SLC38A1: variants seen among roughly 807,000 people sequenced by gnomAD.
The protein encoded by SLC38A1 is solute carrier family 38 member 1, also known as sodium-coupled neutral amino acid symporter 1.
SLC38A1 carries 18 observed loss-of-function variants against 60.3 expected under a neutral mutation model. The observed-to-expected ratio is 0.30, with a 90% CI of 0.21 to 0.44. SLC38A1 has a LOEUF of 0.44. SLC38A1 is among the 20% of genes least tolerant of loss of function. SLC38A1 has a pLI of 1.00. For synonymous variants in SLC38A1, 196 were observed against 212.1 expected (o/e 0.92, Z 0.66); for missense variants, 448 against 587.2 (o/e 0.76, Z 2.45).
At chr12:46,258,577 G>A (rs576398662) in intron 1 of SLC38A1, among the ~76,000 whole-genome samples, 33 of 152,308 alleles carry the variant, frequency 2.2e-4, no homozygotes, top group Middle Eastern at 3.4e-3. Context: ...GATGTAAAAT[G>A]TTCTACTTGG....
chr12:46,215,249 GC>G (rs2137455004), intron 5 of SLC38A1, among the ~76,000 whole-genome samples: 1 of 152,338 alleles, frequency 6.6e-6, no homozygotes, highest in Non-Finnish European at 1.5e-5. Flanking sequence ...TGCCAACACT[GC>G]AGCTCAGTTA....
chr12:46,238,481 C>T (rs1473470316), intron 3 of SLC38A1, among the ~76,000 whole-genome samples: 2 of 152,132 alleles, frequency 1.3e-5, no homozygotes, highest in African/African-American at 4.8e-5. Flanking sequence ...ATGTTCTTAT[C>T]CTCTTCCATC....
chr12:46,189,854 C>T (rs75827225), intron 16 of SLC38A1, among the ~76,000 whole-genome samples: 1,594 of 152,200 alleles, frequency 0.01, 41 homozygotes, highest in African/African-American at 0.036. Context: ...GTTTGCCCTC[C>T]GCTATGATTG....
At chr12:46,204,240 G>A (rs534607847) in intron 11 of SLC38A1, 61 bp downstream of exon 11, 22 of 1,030,972 alleles carry the variant, frequency 2.1e-5, no homozygotes, top group Non-Finnish European at 3.4e-5. Context: ...TTACAAGCAT[G>A]AGAAATAGAA....
In SLC38A1 at chr12:46,184,533, A is replaced by G. The variant is rs2136794137; in HGVS notation, c.*4437T>C. The G allele has an allele frequency of 6.6e-6, 1 of 152,328 alleles. No homozygotes were observed. 9.4% of individuals were successfully genotyped at this position (152,328 alleles called of 1,614,324 possible). Reference sequence around the variant, plus strand: ...GGTATAAAATCCATTATCTGATCATATTCCTGACCTCCCCCCGACTCCAAC... The same window carrying G: ...GGTATAAAATCCATTATCTGATCATGTTCCTGACCTCCCCCCGACTCCAAC... On this transcript the variant is annotated 3_prime_UTR_variant, in exon 17 of 17. Coordinates refer to ENST00000398637, the MANE Select transcript of SLC38A1 (RefSeq NM_030674.4).
chr12:46,244,940 AT>A (rs1464215751), intron 1 of SLC38A1, among the ~76,000 whole-genome samples: 1 of 152,232 alleles, frequency 6.6e-6, no homozygotes, highest in East Asian at 1.9e-4. Context: ...AGACAATGGT[AT>A]AATGAACTCC....
In SLC38A1 at chr12:46,196,167, A is replaced by G. The variant is rs958186758; in HGVS notation, c.1362+1553T>C. 1.4e-5 allele frequency: 22 copies of G among 1,535,966 alleles called. No individual in the cohort carries two copies. In the East Asian group the frequency reaches 5.4e-4, roughly 38 times the overall value. On this transcript the variant is annotated intron_variant, in intron 16 of 16. Coordinates refer to ENST00000398637, the MANE Select transcript of SLC38A1 (RefSeq NM_030674.4). ...AAATCCAGAATCCAGAGAACACAAG[A>G]TTATAAGTTCCTTGCGCTTGAGCAT...
intron 1 of SLC38A1, among the ~76,000 whole-genome samples, chr12:46,261,549 A>G (rs3843676): frequency 0.047 from 7,109 of 152,290 alleles, 478 homozygotes; most frequent in East Asian, 0.32. Context: ...GAGCATCACA[A>G]ACACCATCTT....
At chr12:46,253,449 T>C (rs1399229649) in intron 1 of SLC38A1, among the ~76,000 whole-genome samples, 2 of 152,188 alleles carry the variant, frequency 1.3e-5, no homozygotes, top group Non-Finnish European at 2.9e-5. Context: ...TTTTAGACCA[T>C]ATAGGGCAAC....
In SLC38A1 at chr12:46,198,037, C is replaced by T. The variant is rs774234896; in HGVS notation, c.1146G>A (p.Leu382=). The T allele has an allele frequency of 1.3e-5, 21 of 1,613,704 alleles. No homozygotes were observed. The South Asian group carries it at 2.2e-4, about 17-fold the overall frequency. The change falls in exon 15 of 17, where the codon CTG becomes CTA. Residue 382 remains leucine, a synonymous_variant. Transcript: ENST00000398637. ...FFTVRSSLFE[L]AKKTKFNLCR... Reference sequence around the variant, plus strand: ...ATAAATTAAACTTTGTTTTCTTAGCCAGTTCAAATAAAGATGAACGAACCT... The same window carrying T: ...ATAAATTAAACTTTGTTTTCTTAGCTAGTTCAAATAAAGATGAACGAACCT...
At chr12:46,257,526 G>C (rs533399600) in intron 1 of SLC38A1, among the ~76,000 whole-genome samples, 1 of 151,990 alleles carries the variant, frequency 6.6e-6, no homozygotes, top group African/African-American at 2.4e-5. Context: ...ACCCCAAGTC[G>C]GCTGATCAAT....
At position 46,203,108 on chromosome 12, in the gene SLC38A1, T is replaced by C. The variant is rs1454719384; in HGVS notation, c.823-19A>G. On this transcript the variant is annotated intron_variant, in intron 11 of 16. Transcript: ENST00000398637. Reference sequence around the variant, plus strand: ...ACACGGTCTATTTGAGAGAAAAGAATAGACATTAGGAAAAACACTTTTACC... The same window carrying C: ...ACACGGTCTATTTGAGAGAAAAGAACAGACATTAGGAAAAACACTTTTACC... 11 of 1,602,772 alleles carry C rather than the reference T, an allele frequency of 6.9e-6. No homozygotes were observed. Among genetic ancestry groups the C allele is most frequent in the South Asian group, 2.2e-5 (2 of 89,736 alleles).
chr12:46,219,680 C>T (rs888368556), intron 5 of SLC38A1, among the ~76,000 whole-genome samples: 1 of 152,212 alleles, frequency 6.6e-6, no homozygotes, highest in Non-Finnish European at 1.5e-5. Flanking sequence ...ACTCTCTGCA[C>T]CACACTTAAC....
rs745693137 is a variant in SLC38A1 at position 46,202,992 on chromosome 12, A to C, written c.902+18T>G. The C allele has an allele frequency of 6.2e-7, 1 of 1,601,316 alleles. No individual in the cohort carries two copies. The highest frequency in any genetic ancestry group is 1.7e-5 in the Admixed American group (1 of 59,244). On this transcript the variant is annotated intron_variant, in intron 12 of 16. Coordinates refer to ENST00000398637, the MANE Select transcript of SLC38A1 (RefSeq NM_030674.4). ...GGATGTAAAACGATTAAGATAAAAAATTAAACAAATTTCTTACTCTTTAAG... is the reference window on the plus strand; with the variant it reads ...GGATGTAAAACGATTAAGATAAAAACTTAAACAAATTTCTTACTCTTTAAG...
chr12:46,196,111 G>A, intron 16 of SLC38A1: 3 of 1,529,854 alleles, frequency 2.0e-6, no homozygotes, highest in Non-Finnish European at 2.6e-6. Flanking sequence ...TTCTTTATTA[G>A]CAGTGTGAGA....
chr12:46,197,490 G>C (rs985773909), intron 16 of SLC38A1: 6 of 391,950 alleles, frequency 1.5e-5, no homozygotes, highest in South Asian at 2.6e-5. Flanking sequence ...CTGGGCGACA[G>C]AGTGAGACTC....
chr12:46,195,044 C>G (rs1939304573), intron 16 of SLC38A1, among the ~76,000 whole-genome samples: 1 of 152,158 alleles, frequency 6.6e-6, no homozygotes, highest in African/African-American at 2.4e-5. Flanking sequence ...AGCTTTTCTG[C>G]TCTGGTTTCT....
At chr12:46,194,055 T>G (rs1225541701) in intron 16 of SLC38A1, among the ~76,000 whole-genome samples, 1 of 152,224 alleles carries the variant, frequency 6.6e-6, no homozygotes, top group East Asian at 1.9e-4. Context: ...TTGGCATGTT[T>G]TTGCAGTGGC....
chr12:46,266,173 A>G (rs1307919946), intron 1 of SLC38A1, among the ~76,000 whole-genome samples: 5 of 152,208 alleles, frequency 3.3e-5, no homozygotes, highest in Non-Finnish European at 7.3e-5. Flanking sequence ...TCCAACAAGT[A>G]TTTATTAAGC....
Sources: gnomAD v4.1 joint callset for allele counts (sites outside exome capture counted in the v4.1 genomes callset) on GRCh38, gnomAD v4.1.1 for gene constraint, MANE v1.5 for transcripts, NCBI Gene and HGNC (gene_info 2026-07-23, HGNC 2026-07-21) for gene names.